The following AK8 variants were observed in gnomAD, a reference collection of about 807,000 sequenced individuals.
The protein encoded by AK8 is adenylate kinase 8.
In AK8, 44 loss-of-function variants were observed where a neutral mutation model predicts 54.6. That is an observed-to-expected ratio of 0.81 (90% CI 0.63 to 1.04). AK8 has a LOEUF of 1.04. AK8 is among the 50% of genes least tolerant of loss of function. The pLI, the probability that AK8 is intolerant of heterozygous loss-of-function variation, is 0.00. For missense variants in AK8, 555 were observed against 613.6 expected (o/e 0.90, Z 1.01); for synonymous variants, 239 against 245.6 (o/e 0.97, Z 0.25).
In AK8 at chr9:132,826,467, G is replaced by A. The variant is rs748346879; in HGVS notation, c.757+387C>T. On this transcript the variant is annotated intron_variant, in intron 8 of 12. Coordinates refer to ENST00000298545, the MANE Select transcript of AK8 (RefSeq NM_152572.3). The surrounding 1 kb of genome is among the most constrained non-coding windows in gnomAD (Gnocchi z 4.5). ...TTATTGTGTTGTGTGTGGTGGTGGT[G>A]GTTTTGTTTTTGTCTTAATCTTTAT... is the stretch of plus-strand genomic sequence containing the variant. Among the ~76,000 whole-genome samples the A allele has an allele frequency of 4.6e-5, 7 of 152,104 alleles. No homozygotes were observed. Among genetic ancestry groups the A allele is most frequent in the Non-Finnish European group, 1.0e-4 (7 of 68,000 alleles).
At chr9:132,845,713 G>A (rs572740302) in intron 5 of AK8, among the ~76,000 whole-genome samples, 12 of 151,652 alleles carry the variant, frequency 7.9e-5, no homozygotes, top group Admixed American at 2.6e-4. Context: ...CCTAGGAGGC[G>A]GAGGTTGCAG....
chr9:132,773,590 A>G (rs555672901), intron 11 of AK8, among the ~76,000 whole-genome samples: 3 of 152,320 alleles, frequency 2.0e-5, no homozygotes, highest in South Asian at 2.1e-4. Flanking sequence ...TTCCACAAAT[A>G]TTTGTTGCCT....
At chr9:132,877,961 C>T in intron 1 of AK8, 2 of 1,298,988 alleles carry the variant, frequency 1.5e-6, no homozygotes, top group Non-Finnish European at 2.1e-6. Context: ...CCCCTGGGTC[C>T]GCCTGAGGCA....
At chr9:132,802,329 G>C (rs1042869131) in intron 10 of AK8, among the ~76,000 whole-genome samples, 6 of 152,194 alleles carry the variant, frequency 3.9e-5, no homozygotes, top group Admixed American at 6.5e-5. Flanking sequence ...GGGCGGGAGG[G>C]GGGCGGTGTC....
At chr9:132,859,833 G>A (rs890953410) in intron 4 of AK8, among the ~76,000 whole-genome samples, 2 of 152,152 alleles carry the variant, frequency 1.3e-5, no homozygotes, top group South Asian at 2.1e-4. Context: ...AGGTGGCCTC[G>A]GGCTGGGGTT....
chr9:132,828,534 T>G, intron 6 of AK8, 111 bp downstream of exon 6: 1 of 897,014 alleles, frequency 1.1e-6, no homozygotes, highest in Admixed American at 2.8e-5. Flanking sequence ...TTGCTGGGTC[T>G]CAGACGGTGC....
At chr9:132,780,468 C>G (rs145240357) in intron 11 of AK8, among the ~76,000 whole-genome samples, 1 of 152,138 alleles carries the variant, frequency 6.6e-6, no homozygotes, top group Non-Finnish European at 1.5e-5. Context: ...AAGCCAACAA[C>G]AACAACTACA....
chr9:132,821,810 T>C lies in AK8; in HGVS notation c.889+1395A>G, dbSNP rs191630375. On this transcript the variant is annotated intron_variant, in intron 9 of 12. Transcript: ENST00000298545. ...ATACAAATATATACATATATGTGTA[T>C]GTATATACAAATATATACATATATG... Among the ~76,000 whole-genome samples the C allele has an allele frequency of 6.4e-4, 85 of 133,236 alleles. 3 individuals are homozygous for C. The highest frequency in any genetic ancestry group is 1.1e-3 in the African/African-American group (41 of 35,890). The allele number at this position is 133,236 out of a possible 152,430, so 87.4% of individuals were successfully genotyped here. A position where few individuals can be genotyped will look rare whatever the true frequency, so the allele number is the denominator to read the frequency against.
At chr9:132,858,943 G>A (rs1187626632) in intron 4 of AK8, among the ~76,000 whole-genome samples, 2 of 152,192 alleles carry the variant, frequency 1.3e-5, no homozygotes, top group Non-Finnish European at 2.9e-5. Context: ...GACGGAGCCT[G>A]GTGCTCCAGT....
At chr9:132,810,766 G>T (rs1384685931) in intron 10 of AK8, among the ~76,000 whole-genome samples, 1 of 152,080 alleles carries the variant, frequency 6.6e-6, no homozygotes, top group African/African-American at 2.4e-5. Context: ...GACATCCCAC[G>T]ATGCCTGAGA....
intron 11 of AK8, among the ~76,000 whole-genome samples, chr9:132,751,824 A>G (rs1393854802): frequency 6.6e-6 from 1 of 151,768 alleles, no homozygotes; most frequent in Non-Finnish European, 1.5e-5. Flanking sequence ...CCCTGTTTTC[A>G]TTTTTATTAT....
rs758304232 is a variant in AK8 at position 132,866,933 on chromosome 9, C to T, written c.190G>A (p.Gly64Ser). The T allele has an allele frequency of 3.1e-6, 5 of 1,614,022 alleles. No homozygotes were observed. The South Asian group carries it at 5.5e-5, about 18-fold the overall frequency. Residue 64 changes from glycine to serine, a missense_variant, in exon 3 of 13, where the codon GGT (glycine) becomes AGT (serine). Transcript: ENST00000298545. ...NDNVPRIVILGPPASGKTTIA... is the reference protein window; with the variant it reads ...NDNVPRIVILSPPASGKTTIA... ...GTTGTTTTCCCTGAGGCGGGTGGAC[C>T]TAATATTACAATCCTGGGCACTGTG...
chr9:132,813,289 ATCTT>A (rs1436619944), intron 10 of AK8, among the ~76,000 whole-genome samples: 5 of 152,062 alleles, frequency 3.3e-5, no homozygotes, highest in Non-Finnish European at 7.4e-5. Flanking sequence ...GGACTAGGAC[ATCTT>A]AAGGAGGGAC....
At chr9:132,858,241 G>T (rs214639) in intron 4 of AK8, among the ~76,000 whole-genome samples, 31,592 of 152,238 alleles carry the variant, frequency 0.21, 3,551 homozygotes, top group East Asian at 0.42. Flanking sequence ...GCTTTGGTGG[G>T]TTTCCCGGCC....
chr9:132,799,266 G>A lies in AK8; in HGVS notation c.980-6491C>T, dbSNP rs1034206487. Among the ~76,000 whole-genome samples the A allele has an allele frequency of 1.3e-5, 2 of 152,158 alleles. No individual in the cohort carries two copies. The highest frequency in any genetic ancestry group is 1.9e-4 in the East Asian group (1 of 5,188). ...AGGGAGAAGATATGAGGGACACTAA[G>A]GTTTCTGGGGCTGGCATATAAAGAT... On this transcript the variant is annotated intron_variant, in intron 10 of 12. Transcript: ENST00000298545. This position sits in a 1 kb window ranked among gnomAD's most constrained non-coding sequence, Gnocchi z 5.0.
At chr9:132,873,852 C>T (rs1843966337) in intron 2 of AK8, among the ~76,000 whole-genome samples, 1 of 152,168 alleles carries the variant, frequency 6.6e-6, no homozygotes, top group Admixed American at 6.5e-5. Flanking sequence ...GCTTAACATC[C>T]ACCCTAAGAG....
chr9:132,849,963 T>C (rs1588210882), intron 5 of AK8, among the ~76,000 whole-genome samples: 1 of 151,962 alleles, frequency 6.6e-6, no homozygotes, highest in South Asian at 2.1e-4. Flanking sequence ...GCCAGGCTGG[T>C]CTTGAACTCC....
intron 11 of AK8, among the ~76,000 whole-genome samples, chr9:132,777,993 G>A (rs1312945558): frequency 3.3e-5 from 5 of 152,230 alleles, no homozygotes; most frequent in Non-Finnish European, 7.3e-5. Context: ...GAGGTGCGAA[G>A]GAGCGCAGCA....
chr9:132,878,527 G>A, upstream of AK8: 3 of 1,184,784 alleles, frequency 2.5e-6, no homozygotes, highest in Non-Finnish European at 3.1e-6. The surrounding 1 kb of genome is among the most constrained non-coding windows in gnomAD (Gnocchi z 4.7). Context: ...GGGCCTCCTC[G>A]TATCTGAGAC....
Sources: gnomAD v4.1 joint callset for allele counts (sites outside exome capture counted in the v4.1 genomes callset) on GRCh38, gnomAD v4.1.1 for gene constraint, Gnocchi (gnomAD v3.1) non-coding constraint, MANE v1.5 for transcripts, NCBI Gene and HGNC (gene_info 2026-07-23, HGNC 2026-07-21) for gene names.